FAT3: variants seen among roughly 807,000 people sequenced by gnomAD.
FAT3 encodes the protein protocadherin Fat 3.
FAT3 carries 95 observed loss-of-function variants against 310.2 expected under a neutral mutation model. The observed-to-expected ratio is 0.31, with a 90% CI of 0.26 to 0.36. FAT3 has a LOEUF of 0.36. Among genes scored for constraint, FAT3 ranks in the 10% least tolerant of loss-of-function variants. FAT3 has a pLI of 1.00. For missense variants in FAT3, 5,408 were observed against 5,715.6 expected (o/e 0.95, Z 1.74); for synonymous variants, 2,314 against 2,192.9 (o/e 1.06, Z -1.54).
rs1421961706 is a variant in FAT3 at position 92,388,001 on chromosome 11, GGGAC to G, written c.3292+32598_3292+32601del. On this transcript the variant is annotated intron_variant, in intron 2 of 27. Coordinates refer to ENST00000525166, the MANE Select transcript of FAT3 (RefSeq NM_001367949.2). ...CAGTACAAAGATCTTTTCTGGCACA[GGGAC>G]TTAATCTGAGCTACTAATTTCCATT... Among the ~76,000 whole-genome samples the G allele has an allele frequency of 3.9e-5, 6 of 152,282 alleles. No individual in the cohort carries two copies. The East Asian group carries it at 1.2e-3, about 29-fold the overall frequency.
intron 1 of FAT3, among the ~76,000 whole-genome samples, chr11:92,301,367 G>C (rs1322584516): frequency 6.6e-6 from 1 of 152,154 alleles, no homozygotes; most frequent in African/African-American, 2.4e-5. Flanking sequence ...CACCACTTGA[G>C]TGCAGAGGGC....
chr11:92,592,841 T>G (rs1406667339), intron 3 of FAT3, among the ~76,000 whole-genome samples: 1 of 152,144 alleles, frequency 6.6e-6, no homozygotes, highest in Non-Finnish European at 1.5e-5. Flanking sequence ...TAACATAAAA[T>G]TTACCATTTT....
chr11:92,407,769 C>T (rs189242493), intron 2 of FAT3, among the ~76,000 whole-genome samples: 20 of 152,232 alleles, frequency 1.3e-4, no homozygotes, highest in East Asian at 7.7e-4. Context: ...TATTAAGCAG[C>T]GGCTTGTAGG....
intron 3 of FAT3, among the ~76,000 whole-genome samples, chr11:92,672,111 C>T (rs1943148627): frequency 6.6e-6 from 1 of 152,100 alleles, no homozygotes; most frequent in Non-Finnish European, 1.5e-5. Flanking sequence ...AAAAGCAAAA[C>T]TCTGTCTCAA....
intron 2 of FAT3, among the ~76,000 whole-genome samples, chr11:92,433,603 C>T (rs1950852091): frequency 6.6e-6 from 1 of 152,162 alleles, no homozygotes; most frequent in Non-Finnish European, 1.5e-5. Flanking sequence ...CCAAATACCT[C>T]AGTTGGAAAT....
rs540647864 is a variant in FAT3 at position 92,563,983 on chromosome 11, G to A, written c.3607+39035G>A. On this transcript the variant is annotated intron_variant, in intron 3 of 27. Transcript: ENST00000525166. ...CTAGGAAGAAACTGCATCAACTAACGAGCAAAATAACCAGCTAACATCATA... is the reference window on the plus strand; with the variant it reads ...CTAGGAAGAAACTGCATCAACTAACAAGCAAAATAACCAGCTAACATCATA... Among the ~76,000 whole-genome samples, 6 of 151,092 alleles carry A rather than the reference G, an allele frequency of 4.0e-5. No individual in the cohort carries two copies. The South Asian group carries it at 1.3e-3, about 32-fold the overall frequency.
At chr11:92,881,714 A>G (rs2136402604) in intron 23 of FAT3, among the ~76,000 whole-genome samples, 1 of 152,340 alleles carries the variant, frequency 6.6e-6, no homozygotes, top group South Asian at 2.1e-4. Flanking sequence ...GCTGAAATAG[A>G]GAAAAGTGAA....
chr11:92,757,353 GTTCTCTGTTC>G (rs1946029787), intron 4 of FAT3, among the ~76,000 whole-genome samples: 1 of 152,130 alleles, frequency 6.6e-6, no homozygotes, highest in Non-Finnish European at 1.5e-5. Context: ...GGTGAGGATG[GTTCTCTGTTC>G]TTTTGTGAGG....
chr11:92,704,403 G>A (rs906979010), intron 4 of FAT3, among the ~76,000 whole-genome samples: 13 of 152,122 alleles, frequency 8.5e-5, no homozygotes, highest in African/African-American at 3.1e-4. Flanking sequence ...TGCAAAGCAC[G>A]TATTATGGGC....
At chr11:92,349,239 A>G (rs1392002199) in intron 1 of FAT3, among the ~76,000 whole-genome samples, 1 of 152,156 alleles carries the variant, frequency 6.6e-6, no homozygotes, top group East Asian at 1.9e-4. Flanking sequence ...CCAGTATTTC[A>G]CCTTGAGAGA....
chr11:92,602,809 T>C (rs1940095558), intron 3 of FAT3, among the ~76,000 whole-genome samples: 1 of 152,206 alleles, frequency 6.6e-6, no homozygotes, highest in Non-Finnish European at 1.5e-5. Context: ...TTAGGTTTAT[T>C]CCAAGAAGAA....
chr11:92,592,565 C>T (rs901785910), intron 3 of FAT3, among the ~76,000 whole-genome samples: 1 of 152,022 alleles, frequency 6.6e-6, no homozygotes, highest in Non-Finnish European at 1.5e-5. Context: ...CATGATCTGC[C>T]TGGCTCGCCC....
intron 7 of FAT3, among the ~76,000 whole-genome samples, chr11:92,778,513 C>T (rs1406434740): frequency 3.3e-5 from 5 of 152,154 alleles, no homozygotes; most frequent in African/African-American, 4.8e-5. Flanking sequence ...AAATCAGGAC[C>T]TAATTGTACA....
intron 2 of FAT3, among the ~76,000 whole-genome samples, chr11:92,505,431 T>C (rs1326621991): frequency 6.6e-6 from 1 of 152,070 alleles, no homozygotes; most frequent in Non-Finnish European, 1.5e-5. Context: ...CAGATGCATT[T>C]TGGAGGAGCT....
intron 1 of FAT3, among the ~76,000 whole-genome samples, chr11:92,270,729 TAAATC>T (rs1180228557): frequency 6.6e-6 from 1 of 151,914 alleles, no homozygotes; most frequent in Non-Finnish European, 1.5e-5. Context: ...TGGCTATTCT[TAAATC>T]TATATATCCA....
intron 2 of FAT3, among the ~76,000 whole-genome samples, chr11:92,429,722 G>T (rs1282494027): frequency 3.3e-5 from 5 of 152,190 alleles, no homozygotes; most frequent in African/African-American, 2.4e-5. Flanking sequence ...CTTCTGGCTT[G>T]TAAGGTTTCT....
At chr11:92,501,835 C>A (rs1952948640) in intron 2 of FAT3, among the ~76,000 whole-genome samples, 1 of 151,940 alleles carries the variant, frequency 6.6e-6, no homozygotes, top group Admixed American at 6.6e-5. Context: ...TGAATTTTGA[C>A]ATGTGCAAAT....
At chr11:92,271,323 A>G (rs532176664) in intron 1 of FAT3, among the ~76,000 whole-genome samples, 7 of 151,954 alleles carry the variant, frequency 4.6e-5, no homozygotes, top group African/African-American at 1.7e-4. Flanking sequence ...AACCCTCCCC[A>G]ATATCCCTAT....
chr11:92,837,985 A>G (rs140600225), intron 17 of FAT3, among the ~76,000 whole-genome samples, 179 bp downstream of exon 17: 3 of 152,186 alleles, frequency 2.0e-5, no homozygotes, highest in African/African-American at 7.2e-5. Flanking sequence ...TGTGAGTAAG[A>G]GCTATTGAGG....
Sources: gnomAD v4.1 joint callset for allele counts (sites outside exome capture counted in the v4.1 genomes callset) on GRCh38, gnomAD v4.1.1 for gene constraint, MANE v1.5 for transcripts, NCBI Gene and HGNC (gene_info 2026-07-23, HGNC 2026-07-21) for gene names.